The following TTLL5 variants were observed in gnomAD, a reference collection of about 807,000 sequenced individuals.
TTLL5 encodes the protein tubulin polyglutamylase TTLL5.
Under a neutral mutation model 168.4 loss-of-function variants are expected in TTLL5, and 132 were observed. That is an observed-to-expected ratio of 0.78 (90% CI 0.68 to 0.91). The LOEUF (loss-of-function observed/expected upper bound fraction) is 0.91, where lower values mean the gene tolerates loss of function less well. Among genes scored for constraint, TTLL5 ranks in the 40% least tolerant of loss-of-function variants. The pLI is 0.00. For synonymous variants in TTLL5, 546 were observed against 558.6 expected, an observed-to-expected ratio of 0.98 and a Z score of 0.32; for missense variants, 1,545 against 1,581.5, an observed-to-expected ratio of 0.98 and a Z score of 0.39.
chr14:75,885,700 A>G (rs577537161), intron 30 of TTLL5, among the ~76,000 whole-genome samples: 31 of 152,322 alleles, frequency 2.0e-4, no homozygotes, highest in Middle Eastern at 3.4e-3. Context: ...ATCAGTTGAT[A>G]TATTCTCACT....
Position 75,779,799 on chromosome 14 carries a change from A to G in TTLL5, c.2515+97A>G, listed in dbSNP as rs537087230. On this transcript the variant is annotated intron_variant, in intron 24 of 31. Transcript: ENST00000298832. ...GGAATAATGTGTTGGCTAAGCACTA[A>G]TAGTCCCCAAGGTAATGAGACTTTG... The G allele has an allele frequency of 1.4e-3, 1,759 of 1,276,590 alleles. 2 individuals carry two copies. Among genetic ancestry groups the G allele is most frequent in the Non-Finnish European group, 1.7e-3 (1,642 of 943,564 alleles). The allele number at this position is 1,276,590 out of a possible 1,614,324, so 79.1% of individuals were successfully genotyped here.
At chr14:75,914,033 A>AAAAAAAAAAAAAATATAT in intron 31 of TTLL5, among the ~76,000 whole-genome samples, 17 of 71,088 alleles carry the variant, frequency 2.4e-4, no homozygotes, top group African/African-American at 2.3e-3. Context: ...AAAAAAAAAA[A>AAAAAAAAAAAAAATATAT]ATATATATAT....
intron 31 of TTLL5, among the ~76,000 whole-genome samples, chr14:75,932,907 A>G (rs2140172894): frequency 6.6e-6 from 1 of 152,262 alleles, no homozygotes; most frequent in African/African-American, 2.4e-5. Flanking sequence ...ATCAAGTGAC[A>G]CCTAGAACGA....
intron 29 of TTLL5, among the ~76,000 whole-genome samples, chr14:75,869,901 C>T (rs946493917): frequency 1.4e-5 from 2 of 139,852 alleles, no homozygotes; most frequent in East Asian, 2.4e-4. Context: ...CTCACTGCAA[C>T]GTCTGCCTCC....
chr14:75,929,802 A>G lies in TTLL5; in HGVS notation c.3824-24622A>G, dbSNP rs1417721467. Among the ~76,000 whole-genome samples, 5 of 152,184 alleles carry G rather than the reference A, an allele frequency of 3.3e-5. No homozygotes were observed. In the East Asian group the frequency reaches 9.7e-4, roughly 29 times the overall value. ...ATTTCTTAAGTTTATCTGACCTGGA[A>G]CCATTTTTCCTATAATGCTGATTAG... On this transcript the variant is annotated intron_variant, in intron 31 of 31. Coordinates refer to ENST00000298832, the MANE Select transcript of TTLL5 (RefSeq NM_015072.5).
At chr14:75,803,219 G>A (rs1031869578) in intron 27 of TTLL5, 5 of 152,160 alleles carry the variant, frequency 3.3e-5, no homozygotes, top group South Asian at 2.1e-4. Flanking sequence ...CATGCTCGCT[G>A]GTGAAGATAA....
chr14:75,699,339 T>C, intron 7 of TTLL5, 69 bp downstream of exon 7: 1 of 1,327,096 alleles, frequency 7.5e-7, no homozygotes, highest in South Asian at 1.2e-5. Context: ...TTGTATTGGT[T>C]ACTAATATAG....
At chr14:75,841,131 A>G (rs1896210938) in intron 28 of TTLL5, among the ~76,000 whole-genome samples, 1 of 152,188 alleles carries the variant, frequency 6.6e-6, no homozygotes, top group African/African-American at 2.4e-5. Flanking sequence ...ATCCACCCCC[A>G]TCATCCAATC....
At position 75,793,088 on chromosome 14, in the gene TTLL5, C is replaced by T. The variant is rs959489598; in HGVS notation, c.3159C>T (p.Leu1053=). ...RQYSPSSHIN[L]LTQQVTNLNL... ...ATTCTCCATCCAGCCACATCAACCT[C>T]CTCACCCAACAGGTACGGATGGTCT... is the stretch of plus-strand genomic sequence containing the variant. Residue 1053 remains leucine (L), a synonymous_variant, in exon 27 of 32, where the codon CTC becomes CTT. Coordinates refer to ENST00000298832, the MANE Select transcript of TTLL5 (RefSeq NM_015072.5). The T allele has an allele frequency of 1.2e-6, 2 of 1,610,842 alleles. No homozygotes were observed. The highest frequency in any genetic ancestry group is 8.5e-7 in the Non-Finnish European group (1 of 1,178,122).
At chr14:75,767,478 TGAG>T (rs1218012802) in intron 20 of TTLL5, among the ~76,000 whole-genome samples, 1 of 152,188 alleles carries the variant, frequency 6.6e-6, no homozygotes, top group Non-Finnish European at 1.5e-5. Context: ...TCCTGAATGA[TGAG>T]GAGTCAGTCG....
intron 31 of TTLL5, among the ~76,000 whole-genome samples, chr14:75,903,367 G>A (rs576603574): frequency 6.6e-6 from 1 of 152,100 alleles, no homozygotes; most frequent in African/African-American, 2.4e-5. Context: ...AGACCGGGGG[G>A]AAGTGAAAAC....
chr14:75,766,935 G>A (rs375125189), intron 20 of TTLL5, among the ~76,000 whole-genome samples: 7 of 152,066 alleles, frequency 4.6e-5, no homozygotes, highest in African/African-American at 1.7e-4. Flanking sequence ...AGGCCGAGGT[G>A]GTCGGATCAC....
At chr14:75,718,550 A>G (rs1035055930) in intron 10 of TTLL5, among the ~76,000 whole-genome samples, 1 of 152,176 alleles carries the variant, frequency 6.6e-6, no homozygotes, top group African/African-American at 2.4e-5. Context: ...GTAGTACCGA[A>G]GTGTTAATTT....
intron 27 of TTLL5, among the ~76,000 whole-genome samples, chr14:75,814,819 C>A (rs896447439): frequency 1.3e-5 from 2 of 152,200 alleles, no homozygotes; most frequent in African/African-American, 4.8e-5. Flanking sequence ...CCACTAGCTA[C>A]ATCTGGCTTT....
chr14:75,737,459 T>G, intron 15 of TTLL5: 1 of 1,173,034 alleles, frequency 8.5e-7, no homozygotes, highest in South Asian at 1.5e-5. Flanking sequence ...TTTTGGTTTC[T>G]GCTTGGAGAT....
chr14:75,844,528 C>T (rs1379544104), intron 28 of TTLL5, among the ~76,000 whole-genome samples: 4 of 152,206 alleles, frequency 2.6e-5, no homozygotes, highest in African/African-American at 9.6e-5. Flanking sequence ...AAAAGCAGCT[C>T]TTTCCTTTAT....
chr14:75,749,373 A>G (rs752881509), intron 17 of TTLL5, among the ~76,000 whole-genome samples: 1 of 152,350 alleles, frequency 6.6e-6, no homozygotes, highest in South Asian at 2.1e-4. Flanking sequence ...TAGTTGAGAA[A>G]TAAAACAAGG....
At chr14:75,870,944 G>A (rs552029723) in intron 29 of TTLL5, among the ~76,000 whole-genome samples, 127 of 151,964 alleles carry the variant, frequency 8.4e-4, no homozygotes, top group African/African-American at 2.9e-3. Context: ...ACAGGCGCCC[G>A]CCACCACGCC....
chr14:75,728,649 T>G (rs1451478033), intron 12 of TTLL5, among the ~76,000 whole-genome samples: 1 of 150,068 alleles, frequency 6.7e-6, no homozygotes, highest in Non-Finnish European at 1.5e-5. Flanking sequence ...CAGGAGACAC[T>G]TGGCTAAAGA....
Sources: allele counts gnomAD v4.1 joint callset (sites outside exome capture counted in the v4.1 genomes callset), GRCh38; gene constraint gnomAD v4.1.1; transcripts MANE v1.5; gene names NCBI Gene and HGNC (gene_info 2026-07-23, HGNC 2026-07-21).